The following LRRC23 variants were observed in gnomAD, a reference collection of about 807,000 sequenced individuals.
The protein encoded by LRRC23 is leucine-rich repeat-containing protein 23.
LRRC23 carries 28 observed loss-of-function variants against 37.7 expected under a neutral mutation model. The ratio of observed to expected loss-of-function variants is 0.74; its 90% confidence interval spans 0.55 to 1.02. LRRC23 has a LOEUF of 1.02. Among genes scored for constraint, LRRC23 ranks in the 50% least tolerant of loss-of-function variants. LRRC23 has a pLI of 0.00. For missense variants in LRRC23, 377 were observed against 413.2 expected (o/e 0.91, Z 0.76); for synonymous variants, 161 against 165.4 (o/e 0.97, Z 0.20).
intron 5 of LRRC23, 145 bp from the exon 6 acceptor site, chr12:6,909,745 C>G (rs1036955325): frequency 1.3e-5 from 9 of 674,268 alleles, no homozygotes; most frequent in Non-Finnish European, 2.2e-5. Flanking sequence ...ACTTTCTATA[C>G]TGATCTCTAC....
intron 7 of LRRC23, among the ~76,000 whole-genome samples, chr12:6,913,563 T>TTG (rs1945236888): frequency 8.5e-6 from 1 of 117,056 alleles, no homozygotes; most frequent in Admixed American, 8.1e-5. Context: ...TTGTTTTTTT[T>TTG]TTTTTTTTTT....
intron 7 of LRRC23, 154 bp from the exon 8 acceptor site, chr12:6,913,737 G>C (rs1183543998): frequency 1.9e-6 from 1 of 533,322 alleles, no homozygotes; most frequent in African/African-American, 2.0e-5. Context: ...GCTAATTTTT[G>C]TATTTTTAGT....
intron 5 of LRRC23, chr12:6,907,802 TC>T: frequency 4.3e-6 from 2 of 460,910 alleles, no homozygotes; most frequent in South Asian, 4.7e-5. Context: ...ACATACGACT[TC>T]CGGGACCAAA....
chr12:6,905,919 G>A lies in LRRC23; in HGVS notation c.201G>A (p.Leu67=), dbSNP rs201048353. The A allele has an allele frequency of 6.2e-6, 10 of 1,614,022 alleles. No individual in the cohort carries two copies. The highest frequency in any genetic ancestry group is 7.6e-6 in the Non-Finnish European group (9 of 1,180,004). ...TGCTCTGTAAGACAGGCAATGGGCT[G>A]GCTCATGCTTATGTCAAGCTGGAGG... is the stretch of plus-strand genomic sequence containing the variant. The part of the protein sequence containing the change: ...LSLLCKTGNG[L]AHAYVKLEVK... The change falls in exon 3 of 8, where the codon CTG becomes CTA. Residue 67 remains leucine, a synonymous_variant. Transcript: ENST00000443597.
chr12:6,906,601 T>C lies in LRRC23; in HGVS notation c.429T>C (p.Tyr143=). The change falls in exon 4 of 8, where the codon TAT becomes TAC. Residue 143 remains tyrosine, a synonymous_variant. Transcript: ENST00000443597. Reference sequence around the variant, plus strand: ...ACCTGCAGATTGCTAGTTTTGCTTATAACCAGATTACTGACACTGAAGGCA... The same window carrying C: ...ACCTGCAGATTGCTAGTTTTGCTTACAACCAGATTACTGACACTGAAGGCA... The part of the protein sequence containing the change: ...LPYLQIASFA[Y]NQITDTEGIS... 6.2e-7 allele frequency: 1 copy of C among 1,614,234 alleles called. No individual in the cohort carries two copies.
intron 6 of LRRC23, 37 bp from the exon 7 acceptor site, chr12:6,912,693 T>G: frequency 1.3e-6 from 2 of 1,595,260 alleles, no homozygotes; most frequent in Non-Finnish European, 1.7e-6. Flanking sequence ...CCAAAGCCCA[T>G]TATTCCTGCA....
At chr12:6,910,668 G>T (rs782775490) in intron 6 of LRRC23, among the ~76,000 whole-genome samples, 1 of 151,912 alleles carries the variant, frequency 6.6e-6, no homozygotes, top group African/African-American at 2.4e-5. Context: ...AGATAAAGCC[G>T]CTGCACTCCA....
chr12:6,907,265 T>A, intron 4 of LRRC23, 50 bp from the exon 5 acceptor site: 1 of 1,607,180 alleles, frequency 6.2e-7, no homozygotes, highest in Non-Finnish European at 8.5e-7. Context: ...CAGGCTCTAA[T>A]GCTGAGCATT....
chr12:6,906,786 C>T, intron 4 of LRRC23, 124 bp downstream of exon 4: 1 of 1,042,156 alleles, frequency 9.6e-7, no homozygotes, highest in African/African-American at 1.6e-5. Flanking sequence ...TTCAGATACG[C>T]AATATGATTC....
At chr12:6,907,482 G>A in intron 5 of LRRC23, 37 bp downstream of exon 5, 1 of 1,612,504 alleles carries the variant, frequency 6.2e-7, no homozygotes, top group Non-Finnish European at 8.5e-7. Flanking sequence ...CAGGGAAGAG[G>A]GCACTGTCCT....
intron 5 of LRRC23, among the ~76,000 whole-genome samples, chr12:6,909,214 AAT>A (rs371965772): frequency 2.1e-3 from 2 of 946 alleles, no homozygotes; most frequent in Admixed American, 0.02. Context: ...AATTATATAT[AAT>A]ATATATAATT....
chr12:6,905,756 G>A lies in LRRC23; in HGVS notation c.123G>A (p.Glu41=). 6.2e-7 allele frequency: 1 copy of A among 1,613,640 alleles called. No individual in the cohort carries two copies. The highest frequency in any genetic ancestry group is 1.6e-4 in the Middle Eastern group (1 of 6,062). ...DYRKEGEEFP[E]EWLPTPLTED... ...GAAAAGAGGGGGAAGAGTTCCCTGA[G>A]GAAGTGAGAGCCTGGACAAGGAGGG... The change falls in exon 2 of 8, where the codon GAG becomes GAA. Residue 41 remains glutamate, a synonymous_variant. Transcript: ENST00000443597.
chr12:6,909,973 C>T lies in LRRC23; in HGVS notation c.705C>T (p.Asp235=), dbSNP rs1945119602. The T allele has an allele frequency of 1.2e-6, 2 of 1,613,800 alleles. No individual in the cohort carries two copies. The highest frequency in any genetic ancestry group is 1.7e-6 in the Non-Finnish European group (2 of 1,179,944). The part of the protein sequence containing the change: ...TTLHLRDNQI[D]TLSGFSREMK... Reference sequence around the variant, plus strand: ...TGCATCTTCGAGACAACCAGATTGACACCCTGAGTGGCTTCTCCAGAGAAA... The same window carrying T: ...TGCATCTTCGAGACAACCAGATTGATACCCTGAGTGGCTTCTCCAGAGAAA... The change falls in exon 6 of 8, where the codon GAC becomes GAT. Residue 235 remains aspartate (D), a synonymous_variant. Coordinates refer to ENST00000443597, the MANE Select transcript of LRRC23 (RefSeq NM_001135217.2).
chr12:6,913,560 T>TTTTTG (rs1945235468), intron 7 of LRRC23, among the ~76,000 whole-genome samples: 7 of 106,266 alleles, frequency 6.6e-5, no homozygotes, highest in Middle Eastern at 3.9e-3. Flanking sequence ...TGTTTGTTTT[T>TTTTTG]TTTTTTTTTT....
intron 4 of LRRC23, 152 bp from the exon 5 acceptor site, chr12:6,907,163 C>G: frequency 2.3e-6 from 2 of 864,112 alleles, no homozygotes; most frequent in Non-Finnish European, 3.7e-6. Context: ...CCACTTGCCT[C>G]AGGGCTCCAG....
At chr12:6,913,196 G>GT in intron 7 of LRRC23, 169 bp downstream of exon 7, 2 of 575,404 alleles carry the variant, frequency 3.5e-6, no homozygotes, top group Non-Finnish European at 2.7e-6. Flanking sequence ...AGGGACCCAA[G>GT]GGGCCTGGGA....
chr12:6,906,529 G>C lies in LRRC23; in HGVS notation c.357G>C (p.Lys119Asn), dbSNP rs1555139627. The C allele has an allele frequency of 6.2e-7, 1 of 1,614,216 alleles. No homozygotes were observed. Among genetic ancestry groups the C allele is most frequent in the East Asian group, 2.2e-5 (1 of 44,886 alleles). The change falls in exon 4 of 8, where the codon AAG (lysine) becomes AAC (asparagine). Residue 119 changes from lysine (K) to asparagine (N), a missense_variant. By Grantham distance (94) the Lys-to-Asn change is moderately conservative. Coordinates refer to ENST00000443597, the MANE Select transcript of LRRC23 (RefSeq NM_001135217.2). ...LNYLTHLLWL[K>N]ADGNRLRSAQ... is the part of the protein sequence containing the mutation. ...ACCTCACCCACCTGCTCTGGCTCAA[G>C]GCTGATGGCAATCGGCTGCGAAGTG...
rs1332331676 is a variant in LRRC23 at position 6,906,591 on chromosome 12, G to C, written c.419G>C (p.Ser140Thr). The change falls in exon 4 of 8, where the codon AGT becomes ACT. Residue 140 changes from serine to threonine, a missense_variant. Coordinates refer to ENST00000443597, the MANE Select transcript of LRRC23 (RefSeq NM_001135217.2). ...MNELPYLQIASFAYNQITDTE... is the reference protein window; with the variant it reads ...MNELPYLQIATFAYNQITDTE... ...GAACTGCCCTACCTGCAGATTGCTA[G>C]TTTTGCTTATAACCAGATTACTGAC... The C allele has an allele frequency of 6.2e-7, 1 of 1,614,078 alleles. No individual in the cohort carries two copies. The highest frequency in any genetic ancestry group is 1.3e-5 in the African/African-American group (1 of 74,922).
At chr12:6,907,860 G>A (rs1944986941) in intron 5 of LRRC23, 1 of 312,052 alleles carries the variant, frequency 3.2e-6, no homozygotes, top group Non-Finnish European at 6.0e-6. Context: ...CACCAGCTGG[G>A]TGATCTCTAA....
Sources: allele counts gnomAD v4.1 joint callset (sites outside exome capture counted in the v4.1 genomes callset), GRCh38; gene constraint gnomAD v4.1.1; transcripts MANE v1.5; gene names NCBI Gene and HGNC (gene_info 2026-07-23, HGNC 2026-07-21).